The following RAI1 variants were observed in gnomAD, a reference collection of about 807,000 sequenced individuals.
RAI1 encodes the protein retinoic acid induced 1, also known as retinoic acid-induced protein 1.
A neutral mutation model predicts 123.8 loss-of-function variants in RAI1; 9 were observed. The observed-to-expected ratio is 0.07, with a 90% CI of 0.04 to 0.13. The LOEUF is 0.13. RAI1 is among the 10% of genes least tolerant of loss of function. The pLI is 1.00. For missense variants in RAI1, 2,256 were observed against 2,545.8 expected (o/e 0.89, Z 2.45); for synonymous variants, 1,231 against 1,127.3 (o/e 1.09, Z -1.84).
At chr17:17,695,050 A>C (rs1414174725) in intron 1 of RAI1, among the ~76,000 whole-genome samples, 2 of 152,114 alleles carry the variant, frequency 1.3e-5, no homozygotes, top group Non-Finnish European at 2.9e-5. Context: ...CGAGCCCGGC[A>C]ACCCCACGGC....
intron 2 of RAI1, among the ~76,000 whole-genome samples, chr17:17,766,955 G>T (rs1229092660): frequency 2.6e-5 from 4 of 151,660 alleles, no homozygotes; most frequent in African/African-American, 9.7e-5. Flanking sequence ...GGTGGTGTGA[G>T]TCTGAGGGAG....
chr17:17,723,912 G>GGCGCGAGAGGCGCGGCGCGCGCGGGA (rs1483355959), intron 1 of RAI1, 116 bp from the exon 2 acceptor site: 1 of 149,296 alleles, frequency 6.7e-6, no homozygotes, highest in Non-Finnish European at 1.5e-5. Context: ...GGAAACGCGG[G>GGCGCGAGAGGCGCGGCGCGCGCGGGA]GCGCGAGAGG....
intron 2 of RAI1, among the ~76,000 whole-genome samples, chr17:17,790,919 A>ACC (rs1567910320): frequency 2.0e-5 from 3 of 152,172 alleles, no homozygotes; most frequent in African/African-American, 7.2e-5. Context: ...CCAGACCAGA[A>ACC]CCAAGTGCCG....
chr17:17,796,914 G>C lies in RAI1; in HGVS notation c.3966G>C (p.Arg1322=). 6.2e-7 allele frequency: 1 copy of C among 1,613,454 alleles called. No individual in the cohort carries two copies. The highest frequency in any genetic ancestry group is 1.1e-5 in the South Asian group (1 of 91,080). The change falls in exon 3 of 6, where the codon CGG becomes CGC. Residue 1322 remains arginine (R), a synonymous_variant. Transcript: ENST00000353383. The surrounding 1 kb of genome is among the most constrained non-coding windows in gnomAD (Gnocchi z 5.8). The part of the protein sequence containing the change: ...GAMKTKVLPP[R]KGRGLKLEAI... ...TGAAGACCAAGGTGCTGCCACCCCG[G>C]AAGGGCCGGGGCCTGAAGCTGGAAG...
intron 1 of RAI1, among the ~76,000 whole-genome samples, chr17:17,682,017 C>G (rs1440075143): frequency 2.0e-5 from 3 of 148,824 alleles, no homozygotes; most frequent in Admixed American, 6.6e-5. Context: ...AGGGTGGGGG[C>G]GCCCTGCGCC....
At chr17:17,705,967 T>C (rs1915379389) in intron 1 of RAI1, among the ~76,000 whole-genome samples, 1 of 135,688 alleles carries the variant, frequency 7.4e-6, no homozygotes, top group Non-Finnish European at 1.5e-5. Flanking sequence ...GAAGTTGCAG[T>C]GAGTTGAGAT....
chr17:17,687,476 G>A (rs947094485), intron 1 of RAI1, among the ~76,000 whole-genome samples: 10 of 152,158 alleles, frequency 6.6e-5, no homozygotes, highest in Admixed American at 1.3e-4. Context: ...TGCTCAGAGC[G>A]TCTGCAGGCC....
At chr17:17,710,183 T>C (rs926696628) in intron 1 of RAI1, among the ~76,000 whole-genome samples, 3 of 151,874 alleles carry the variant, frequency 2.0e-5, no homozygotes, top group Non-Finnish European at 4.4e-5. Context: ...GCAGCGGAGG[T>C]GACTGAGAAG....
Position 17,724,113 on chromosome 17 carries a change from C to G in RAI1, c.-63C>G. ...GAGACGGCGGGGGAAAGGGAGACGG[C>G]GAGACGCGCAGCGCCGGCGCCCGGG... On this transcript the variant is annotated 5_prime_UTR_variant, in exon 2 of 6. Coordinates refer to ENST00000353383, the MANE Select transcript of RAI1 (RefSeq NM_030665.4). 1 of 149,646 alleles carries G rather than the reference C, an allele frequency of 6.7e-6. No individual in the cohort carries two copies. The allele number at this position is 149,646 out of a possible 1,614,324, so 9.3% of individuals were successfully genotyped here.
intron 2 of RAI1, among the ~76,000 whole-genome samples, chr17:17,774,100 G>A (rs1468616488): frequency 6.6e-6 from 1 of 152,194 alleles, no homozygotes; most frequent in African/African-American, 2.4e-5. Context: ...GAGTTAAAAT[G>A]TGTAGACTGC....
rs1598102741 is a variant in RAI1 at position 17,810,099 on chromosome 17, G to A, written c.*118G>A. ...GAGCTGCTCCCAGCGCTGGTCCAGA[G>A]CCGATCCTTGATCCGGGTCCCGGAT... On this transcript the variant is annotated 3_prime_UTR_variant, in exon 6 of 6. Coordinates refer to ENST00000353383, the MANE Select transcript of RAI1 (RefSeq NM_030665.4). This position sits in a 1 kb window ranked among gnomAD's most constrained non-coding sequence, Gnocchi z 4.6. The A allele has an allele frequency of 7.4e-7, 1 of 1,352,222 alleles. No homozygotes were observed. The highest frequency in any genetic ancestry group is 1.4e-5 in the South Asian group (1 of 71,040). The allele number at this position is 1,352,222 out of a possible 1,614,324, so 83.8% of individuals were successfully genotyped here.
At chr17:17,785,511 A>C (rs1214209263) in intron 2 of RAI1, among the ~76,000 whole-genome samples, 3 of 152,172 alleles carry the variant, frequency 2.0e-5, no homozygotes, top group African/African-American at 7.2e-5. Context: ...TCATTGTACC[A>C]TCAATTATGT....
At chr17:17,785,536 T>C (rs994812709) in intron 2 of RAI1, among the ~76,000 whole-genome samples, 7 of 152,182 alleles carry the variant, frequency 4.6e-5, no homozygotes, top group African/African-American at 1.7e-4. Context: ...ACCGCTGCCA[T>C]GAGAGCCACC....
intron 2 of RAI1, among the ~76,000 whole-genome samples, chr17:17,762,765 C>T (rs2030757001): frequency 6.6e-6 from 1 of 152,108 alleles, no homozygotes; most frequent in Non-Finnish European, 1.5e-5. Flanking sequence ...ACAGGGCATC[C>T]AGGAGGCCTG....
intron 2 of RAI1, chr17:17,776,598 A>G (rs2142996628): frequency 6.7e-6 from 1 of 149,774 alleles, no homozygotes; most frequent in East Asian, 2.0e-4. Flanking sequence ...TCAAGTGATC[A>G]TCCCACCTTG....
chr17:17,808,059 A>C (rs2032629634), intron 4 of RAI1, among the ~76,000 whole-genome samples: 1 of 152,194 alleles, frequency 6.6e-6, no homozygotes, highest in South Asian at 2.1e-4. Flanking sequence ...GTGAACAGGA[A>C]GATTGTGTTG....
At chr17:17,699,903 A>G (rs1304770588) in intron 1 of RAI1, among the ~76,000 whole-genome samples, 6 of 152,150 alleles carry the variant, frequency 3.9e-5, no homozygotes, top group African/African-American at 1.4e-4. Flanking sequence ...CAGGAGCCAG[A>G]CTGTCGAGGT....
At chr17:17,780,826 C>G (rs1410943521) in intron 2 of RAI1, among the ~76,000 whole-genome samples, 1 of 152,204 alleles carries the variant, frequency 6.6e-6, no homozygotes, top group African/African-American at 2.4e-5. Context: ...TTGAGAACCC[C>G]CACTCTGTAA....
In RAI1 at chr17:17,742,880, G is replaced by T. The variant is rs1031354194; in HGVS notation, c.-17+18721G>T. ...TTCAGACCTCCCTGGGCTGCAGAGT[G>T]TCCCTTCCTGCTCTCCAACCTGGGA... is the stretch of plus-strand genomic sequence containing the variant. On this transcript the variant is annotated intron_variant, in intron 2 of 5. Transcript: ENST00000353383. Among the ~76,000 whole-genome samples, 4 of 152,200 alleles carry T rather than the reference G, an allele frequency of 2.6e-5. No individual in the cohort carries two copies. In the East Asian group the frequency reaches 7.7e-4, roughly 29 times the overall value.
Sources: gnomAD v4.1 joint callset for allele counts (sites outside exome capture counted in the v4.1 genomes callset) on GRCh38, gnomAD v4.1.1 for gene constraint, Gnocchi (gnomAD v3.1) non-coding constraint, MANE v1.5 for transcripts, NCBI Gene and HGNC (gene_info 2026-07-23, HGNC 2026-07-21) for gene names.